The following FANCM variants were observed in gnomAD, a reference collection of about 807,000 sequenced individuals.
The protein encoded by FANCM is Fanconi anemia group M protein.
Under a neutral mutation model 199.5 loss-of-function variants are expected in FANCM, and 140 were observed. That is an observed-to-expected ratio of 0.70 (90% CI 0.61 to 0.81). The LOEUF (loss-of-function observed/expected upper bound fraction) is 0.81, where lower values mean the gene tolerates loss of function less well. Among genes scored for constraint, FANCM ranks in the 30% least tolerant of loss-of-function variants. The pLI is 0.00. For synonymous variants in FANCM, 840 were observed against 836.8 expected (o/e 1.00, Z -0.07); for missense variants, 2,410 against 2,421.4 (o/e 1.00, Z 0.10).
At chr14:45,183,125 T>C (rs1161112929) in intron 16 of FANCM, among the ~76,000 whole-genome samples, 1 of 152,210 alleles carries the variant, frequency 6.6e-6, no homozygotes. Context: ...TGTACTCATA[T>C]AAGACTTCAT....
intron 12 of FANCM, among the ~76,000 whole-genome samples, chr14:45,172,830 G>A (rs1888426537): frequency 6.6e-6 from 1 of 152,100 alleles, no homozygotes; most frequent in South Asian, 2.1e-4. Flanking sequence ...CAGGAATATT[G>A]TCAACTTGTA....
At position 45,164,402 on chromosome 14, in the gene FANCM, C is replaced by T; in HGVS notation, c.1625C>T (p.Ser542Phe). 6.2e-7 allele frequency: 1 copy of T among 1,613,424 alleles called. No individual in the cohort carries two copies. The highest frequency in any genetic ancestry group is 8.5e-7 in the Non-Finnish European group (1 of 1,180,000). Residue 542 changes from serine (S) to phenylalanine (F), a missense_variant, in exon 10 of 23, where the codon TCT becomes TTT. Physicochemically the swap from Ser to Phe is radical, Grantham distance 155. Transcript: ENST00000267430. ...FRDGGYNTLVSTCVGEEGLDI... is the reference protein window; with the variant it reads ...FRDGGYNTLVFTCVGEEGLDI... ...GACGGTGGTTACAACACGCTGGTTT[C>T]TACCTGTGTGGGTGAAGAAGGTTTG...
chr14:45,151,316 T>C, intron 4 of FANCM, 81 bp from the exon 5 acceptor site: 1 of 1,114,938 alleles, frequency 9.0e-7, no homozygotes, highest in Non-Finnish European at 1.3e-6. Context: ...ATATAATTCC[T>C]ATTTTAATAT....
chr14:45,185,440 A>T, intron 18 of FANCM, 67 bp downstream of exon 18: 1 of 961,072 alleles, frequency 1.0e-6, no homozygotes, highest in South Asian at 1.7e-5. Flanking sequence ...AAATATTTTA[A>T]TCAGTTTTTA....
rs775149078 is a variant in FANCM at position 45,176,123 on chromosome 14, C to T, written c.3369C>T (p.Leu1123=). The T allele has an allele frequency of 6.2e-7, 1 of 1,613,858 alleles. No individual in the cohort carries two copies. The highest frequency in any genetic ancestry group is 8.5e-7 in the Non-Finnish European group (1 of 1,179,796). ...ATCATGATGTTGATAACAGTGACCT[C>T]CCAGTATTGTCCACTGATCAAGATG... The part of the protein sequence containing the change: ...ENNHDVDNSD[L]PVLSTDQDES... The change falls in exon 14 of 23, where the codon CTC becomes CTT. Residue 1123 remains leucine, a synonymous_variant. Coordinates refer to ENST00000267430, the MANE Select transcript of FANCM (RefSeq NM_020937.4).
chr14:45,137,307 G>A, intron 2 of FANCM, 66 bp downstream of exon 2: 1 of 1,300,348 alleles, frequency 7.7e-7, no homozygotes, highest in Non-Finnish European at 1.1e-6. Flanking sequence ...TTGGCGAATA[G>A]TTACTAGTGA....
Position 45,175,669 on chromosome 14 carries a change from C to T in FANCM, c.2915C>T (p.Thr972Ile), listed in dbSNP as rs562471335. The T allele has an allele frequency of 2.5e-6, 4 of 1,613,346 alleles. No individual in the cohort carries two copies. In the South Asian group the frequency reaches 3.3e-5, roughly 13 times the overall value. The change falls in exon 14 of 23, where the codon ACA (threonine) becomes ATA (isoleucine). Residue 972 changes from threonine (T) to isoleucine (I), a missense_variant. Transcript: ENST00000267430. ...GAAGAAGAGCTTTATATTGTTAGAACAGATGACCAATTTTATAATTGTCAC... is the reference window on the plus strand; with the variant it reads ...GAAGAAGAGCTTTATATTGTTAGAATAGATGACCAATTTTATAATTGTCAC... ...PFEEELYIVRTDDQFYNCHSL... is the reference protein window; with the variant it reads ...PFEEELYIVRIDDQFYNCHSL...
chr14:45,168,452 CTTATA>C (rs1032061992), intron 11 of FANCM, among the ~76,000 whole-genome samples: 10 of 151,690 alleles, frequency 6.6e-5, no homozygotes, highest in Non-Finnish European at 1.5e-4. Context: ...GCTAATTAAT[CTTATA>C]TTTAATAATT....
chr14:45,189,436 T>G (rs1889631006), intron 20 of FANCM, 74 bp downstream of exon 20: 2 of 1,231,748 alleles, frequency 1.6e-6, no homozygotes. Flanking sequence ...TGTGTGTGTG[T>G]TTTGTATTAA....
chr14:45,156,079 A>G (rs1040850437), intron 8 of FANCM, among the ~76,000 whole-genome samples: 1 of 152,116 alleles, frequency 6.6e-6, no homozygotes, highest in African/African-American at 2.4e-5. Flanking sequence ...GTTATAGAGG[A>G]GTGCTGTTTT....
intron 9 of FANCM, among the ~76,000 whole-genome samples, chr14:45,162,979 T>C (rs997990375): frequency 6.6e-6 from 1 of 151,342 alleles, no homozygotes; most frequent in Non-Finnish European, 1.5e-5. Flanking sequence ...TGTTTAATCA[T>C]GATCATTGTT....
chr14:45,139,456 A>G (rs949036225), intron 2 of FANCM, among the ~76,000 whole-genome samples: 24 of 152,192 alleles, frequency 1.6e-4, no homozygotes, highest in African/African-American at 5.5e-4. Context: ...TGTTCCTGCA[A>G]ATCAGTCTAC....
In FANCM at chr14:45,135,978, T is replaced by A. The variant is rs1339376086; in HGVS notation, c.-54T>A. 1 of 1,595,680 alleles carries A rather than the reference T, an allele frequency of 6.3e-7. No individual in the cohort carries two copies. ...CGATGGGGATCGGAACCGTAGCGGT[T>A]GAGCTGCTGCTGCTACGGATATCTG... On this transcript the variant is annotated 5_prime_UTR_variant, in exon 1 of 23. Transcript: ENST00000267430.
intron 3 of FANCM, among the ~76,000 whole-genome samples, chr14:45,143,984 G>A (rs1594759672): frequency 6.6e-6 from 1 of 151,990 alleles, no homozygotes; most frequent in Non-Finnish European, 1.5e-5. Flanking sequence ...GAGCCACCAC[G>A]CCCGGCTTGA....
intron 14 of FANCM, among the ~76,000 whole-genome samples, chr14:45,179,736 A>G (rs991646225): frequency 2.0e-5 from 3 of 151,440 alleles, no homozygotes; most frequent in African/African-American, 7.3e-5. Flanking sequence ...TAATTTTTGT[A>G]TTTTTAGTAG....
intron 10 of FANCM, among the ~76,000 whole-genome samples, chr14:45,165,359 A>G (rs1359037122): frequency 6.6e-6 from 1 of 152,178 alleles, no homozygotes; most frequent in African/African-American, 2.4e-5. Context: ...CAGCCTGGCC[A>G]ACATGGTGAA....
Position 45,142,651 on chromosome 14 carries a change from T to C in FANCM, c.759+1942T>C, listed in dbSNP as rs374111238. 4.0e-3 allele frequency among the ~76,000 whole-genome samples: 607 copies of C among 152,094 alleles called. 14 individuals carry two copies. The highest frequency in any genetic ancestry group is 0.014 in the African/African-American group (585 of 41,428). The stretch of plus-strand genomic sequence containing the variant: ...TTCCATGACCTTGATGCTTTTGAAG[T>C]GTAGGTGCCAGATATTTTGTAGAAT... On this transcript the variant is annotated intron_variant, in intron 3 of 22. Transcript: ENST00000267430.
intron 3 of FANCM, among the ~76,000 whole-genome samples, chr14:45,147,901 C>CCT (rs1426806232): frequency 1.2e-4 from 18 of 145,654 alleles, no homozygotes; most frequent in African/African-American, 4.6e-4. Flanking sequence ...CAAACCGCCC[C>CCT]CCCCCCAAAA....
At position 45,176,226 on chromosome 14, in the gene FANCM, TCTTTAC is replaced by T; in HGVS notation, c.3475_3480del (p.Leu1159_Pro1160del). The T allele has an allele frequency of 6.2e-7, 1 of 1,614,090 alleles. No homozygotes were observed. The highest frequency in any genetic ancestry group is 1.1e-5 in the South Asian group (1 of 91,086). On this transcript the variant is annotated inframe_deletion, in exon 14 of 23. Transcript: ENST00000267430. ...TTCACCCTTGAACAGTAAAAGCGAATCTTTACCTGTGTCAGACAAAACTGCTATTAG... is the reference window on the plus strand; with the variant it reads ...TTCACCCTTGAACAGTAAAAGCGAATCTGTGTCAGACAAAACTGCTATTAG...
Sources: gnomAD v4.1 joint callset for allele counts (sites outside exome capture counted in the v4.1 genomes callset) on GRCh38, gnomAD v4.1.1 for gene constraint, MANE v1.5 for transcripts, NCBI Gene and HGNC (gene_info 2026-07-23, HGNC 2026-07-21) for gene names.